DIP2C: variants seen among roughly 807,000 people sequenced by gnomAD.
DIP2C encodes DIP2 acetate--CoA ligase C (putative), also known as disco-interacting protein 2 homolog C.
In DIP2C, 33 loss-of-function variants were observed where a neutral mutation model predicts 192.4. That is an observed-to-expected ratio of 0.17 (90% CI 0.13 to 0.23). The LOEUF (loss-of-function observed/expected upper bound fraction) is 0.23, where lower values mean the gene tolerates loss of function less well. Ranked by LOEUF, DIP2C falls within the 10% of genes least tolerant of loss-of-function variation. The pLI, the probability that DIP2C is intolerant of heterozygous loss-of-function variation, is 1.00. For synonymous variants in DIP2C, 979 were observed against 864.1 expected, an observed-to-expected ratio of 1.13 and a Z score of -2.33; for missense variants, 1,537 against 2,110.1, an observed-to-expected ratio of 0.73 and a Z score of 5.32.
intron 30 of DIP2C, among the ~76,000 whole-genome samples, chr10:328,524 G>A (rs948119388): frequency 2.6e-5 from 4 of 152,188 alleles, no homozygotes; most frequent in African/African-American, 9.7e-5. Flanking sequence ...TGTGCCAACA[G>A]GAAGGTCATG....
chr10:329,696 A>C, intron 29 of DIP2C, 95 bp from the exon 30 acceptor site: 2 of 1,464,798 alleles, frequency 1.4e-6, no homozygotes, highest in South Asian at 2.7e-5. Context: ...TCCAAGGAAA[A>C]GGAGGACTTG....
intron 31 of DIP2C, among the ~76,000 whole-genome samples, chr10:312,028 A>C (rs1956587602): frequency 1.3e-5 from 2 of 152,196 alleles, no homozygotes; most frequent in Admixed American, 6.5e-5. Flanking sequence ...TACACCTGCA[A>C]GTAGGGCACT....
chr10:353,593 T>C (rs917852387), intron 24 of DIP2C, among the ~76,000 whole-genome samples: 11 of 152,170 alleles, frequency 7.2e-5, no homozygotes, highest in Admixed American at 6.5e-4. Flanking sequence ...GGTTTCACCA[T>C]GTTGGCCAGG....
At chr10:472,214 T>C (rs539193922) in intron 3 of DIP2C, among the ~76,000 whole-genome samples, 5 of 152,282 alleles carry the variant, frequency 3.3e-5, no homozygotes, top group African/African-American at 4.8e-5. Context: ...TTAATTAATA[T>C]GCAATTCTGA....
chr10:627,419 A>C (rs1178577285), intron 1 of DIP2C, among the ~76,000 whole-genome samples: 5 of 152,198 alleles, frequency 3.3e-5, no homozygotes, highest in Admixed American at 1.3e-4. Context: ...CCCTAAACAA[A>C]GTAGGGTTTT....
chr10:320,444 G>A (rs1237441684), intron 31 of DIP2C, among the ~76,000 whole-genome samples: 1 of 150,226 alleles, frequency 6.7e-6, no homozygotes, highest in Non-Finnish European at 1.5e-5. Context: ...GGAGGCAGAG[G>A]TTGCAGTGAG....
intron 17 of DIP2C, among the ~76,000 whole-genome samples, chr10:375,829 T>C (rs151333068): frequency 8.7e-4 from 132 of 151,784 alleles, no homozygotes; most frequent in African/African-American, 2.8e-3. Context: ...GTGCCGCTCA[T>C]CATTTGCTGA....
chr10:572,003 T>C (rs1419443106), intron 1 of DIP2C, among the ~76,000 whole-genome samples: 1 of 152,240 alleles, frequency 6.6e-6, no homozygotes, highest in East Asian at 1.9e-4. Context: ...TTGCGAAATC[T>C]AAGCAACATT....
intron 9 of DIP2C, among the ~76,000 whole-genome samples, chr10:408,231 T>C (rs1052352874): frequency 6.6e-6 from 1 of 150,438 alleles, no homozygotes; most frequent in African/African-American, 2.5e-5. Flanking sequence ...TCTTGGCACC[T>C]GTGGAAATCA....
At chr10:547,221 C>G (rs370116404) in intron 1 of DIP2C, among the ~76,000 whole-genome samples, 2 of 152,198 alleles carry the variant, frequency 1.3e-5, no homozygotes, top group Non-Finnish European at 2.9e-5. Flanking sequence ...GGGAGCTCCC[C>G]CAGCCCCCAT....
intron 1 of DIP2C, among the ~76,000 whole-genome samples, chr10:521,380 G>GC (rs1207027927): frequency 6.6e-6 from 1 of 152,124 alleles, no homozygotes; most frequent in Non-Finnish European, 1.5e-5. Flanking sequence ...CTAAGAGAAG[G>GC]CCTCAATGAT....
At chr10:308,347 A>G (rs1422954248) in intron 32 of DIP2C, among the ~76,000 whole-genome samples, 1 of 151,796 alleles carries the variant, frequency 6.6e-6, no homozygotes, top group Non-Finnish European at 1.5e-5. Context: ...TCCTGTTCCT[A>G]TGTACTCTCA....
In DIP2C at chr10:543,022, G is replaced by A. The variant is rs546279428; in HGVS notation, c.86-56492C>T. ...GAAAAGTCAAACATTGAGTGATGAC[G>A]ATGACACCAATACCAAAAGTCAGAA... On this transcript the variant is annotated intron_variant, in intron 1 of 36. Transcript: ENST00000280886. Among the ~76,000 whole-genome samples the A allele has an allele frequency of 1.7e-3, 263 of 152,320 alleles. 2 individuals carry two copies. Among genetic ancestry groups the A allele is most frequent in the South Asian group, 5.6e-3 (27 of 4,824 alleles).
intron 1 of DIP2C, among the ~76,000 whole-genome samples, chr10:685,161 A>AATAT (rs1222919501): frequency 3.5e-4 from 11 of 31,802 alleles, no homozygotes; most frequent in South Asian, 1.9e-3. Context: ...AAAAAAAAAA[A>AATAT]ATATATATAT....
intron 18 of DIP2C, among the ~76,000 whole-genome samples, chr10:368,863 C>G (rs891107214): frequency 2.6e-5 from 4 of 152,246 alleles, no homozygotes; most frequent in Non-Finnish European, 5.9e-5. Flanking sequence ...CAGCCAGGGG[C>G]TGATGCTGCC....
chr10:640,976 A>G (rs1380902409), intron 1 of DIP2C, among the ~76,000 whole-genome samples: 2 of 152,138 alleles, frequency 1.3e-5, no homozygotes, highest in South Asian at 2.1e-4. Context: ...ACACGTGTGA[A>G]TATGTTCCAA....
chr10:507,109 A>T (rs552564993), intron 1 of DIP2C, among the ~76,000 whole-genome samples: 47 of 146,278 alleles, frequency 3.2e-4, no homozygotes, highest in African/African-American at 1.2e-3. Flanking sequence ...GATGAGAGGT[A>T]TGCGAGGTTA....
chr10:553,891 CAT>C (rs1326716822), intron 1 of DIP2C, among the ~76,000 whole-genome samples: 2 of 148,024 alleles, frequency 1.4e-5, no homozygotes, highest in East Asian at 4.0e-4. Context: ...AAATATACCT[CAT>C]AGAAAAAAGG....
At chr10:608,137 ACACAGCC>A (rs1564262285) in intron 1 of DIP2C, among the ~76,000 whole-genome samples, 8 of 99,030 alleles carry the variant, frequency 8.1e-5, no homozygotes, top group African/African-American at 4.5e-4. Flanking sequence ...CCCAACACAC[ACACAGCC>A]CCCCCACACA....
Sources: allele counts gnomAD v4.1 joint callset (sites outside exome capture counted in the v4.1 genomes callset), GRCh38; gene constraint gnomAD v4.1.1; transcripts MANE v1.5; gene names NCBI Gene and HGNC (gene_info 2026-07-23, HGNC 2026-07-21).